ELAVL2: variants seen among roughly 807,000 people sequenced by gnomAD.
ELAVL2 encodes ELAV like RNA binding protein 2, also known as ELAV-like protein 2.
A neutral mutation model predicts 34.6 loss-of-function variants in ELAVL2; 4 were observed. The ratio of observed to expected loss-of-function variants is 0.12; its 90% CI spans 0.06 to 0.26. The LOEUF is 0.26. Among genes scored for constraint, ELAVL2 ranks in the 10% least tolerant of loss-of-function variants. The pLI, the probability that ELAVL2 is intolerant of heterozygous loss-of-function variation, is 1.00. For missense variants in ELAVL2, 432 were observed against 442.8 expected (o/e 0.98, Z 0.22); for synonymous variants, 193 against 154.8 (o/e 1.25, Z -1.83).
chr9:23,766,122 C>T (rs553696950), intron 1 of ELAVL2, among the ~76,000 whole-genome samples: 2 of 152,246 alleles, frequency 1.3e-5, no homozygotes, highest in East Asian at 3.9e-4. Context: ...TCCTGAGAGG[C>T]AATCCTGGCT....
chr9:23,773,469 T>C (rs1451408774), intron 1 of ELAVL2, among the ~76,000 whole-genome samples: 1 of 152,152 alleles, frequency 6.6e-6, no homozygotes, highest in Non-Finnish European at 1.5e-5. Flanking sequence ...AAAGCACATT[T>C]GAAACGAACG....
intron 1 of ELAVL2, among the ~76,000 whole-genome samples, chr9:23,783,969 T>C (rs4977888): frequency 0.37 from 56,512 of 151,164 alleles, 11,396 homozygotes; most frequent in East Asian, 0.57. Context: ...CTGAGGCGCG[T>C]GGATCACGAG....
chr9:23,760,616 A>T (rs2054750620), intron 2 of ELAVL2, among the ~76,000 whole-genome samples: 1 of 152,092 alleles, frequency 6.6e-6, no homozygotes, highest in Non-Finnish European at 1.5e-5. Flanking sequence ...ACATATGCTT[A>T]TCACACTCAT....
intron 5 of ELAVL2, among the ~76,000 whole-genome samples, chr9:23,699,380 TTAATAACTATCAAACAAAATCA>T (rs1469304788): frequency 6.6e-6 from 1 of 152,186 alleles, no homozygotes; most frequent in Admixed American, 6.5e-5. Context: ...TTTGTTTTAC[TTAATAACTATCAAACAAAATCA>T]TTGCTTCAAT....
At chr9:23,736,667 C>T (rs1040903358) in intron 2 of ELAVL2, among the ~76,000 whole-genome samples, 3 of 152,138 alleles carry the variant, frequency 2.0e-5, no homozygotes, top group Non-Finnish European at 2.9e-5. Flanking sequence ...CTAAATCGGC[C>T]CCTTGTCTGC....
intron 2 of ELAVL2, 144 bp from the exon 3 acceptor site, chr9:23,731,269 T>G (rs2046460824): frequency 1.6e-6 from 1 of 618,898 alleles, no homozygotes. Context: ...TCTAGAAATA[T>G]ACATGAAGTC....
intron 1 of ELAVL2, among the ~76,000 whole-genome samples, chr9:23,771,575 G>T (rs537411982): frequency 6.6e-6 from 1 of 152,004 alleles, no homozygotes; most frequent in African/African-American, 2.4e-5. Context: ...GCTTCTTAAA[G>T]AATCAACTGA....
In ELAVL2 at chr9:23,754,514, G is replaced by A. The variant is rs142598377; in HGVS notation, c.229+7492C>T. Among the ~76,000 whole-genome samples, 110 of 151,924 alleles carry A rather than the reference G, an allele frequency of 7.2e-4. 1 individual carries two copies. In the East Asian group the frequency reaches 9.0e-3, roughly 12 times the overall value. ...GTCACACAGGCTGAAATGCAAGTGCGGTGGCACGATCTCAGTTCACTGCAA... is the reference window on the plus strand; with the variant it reads ...GTCACACAGGCTGAAATGCAAGTGCAGTGGCACGATCTCAGTTCACTGCAA... On this transcript the variant is annotated intron_variant, in intron 2 of 6. Transcript: ENST00000397312.
chr9:23,812,211 G>A (rs926068349), intron 1 of ELAVL2, among the ~76,000 whole-genome samples: 7 of 152,024 alleles, frequency 4.6e-5, no homozygotes, highest in Admixed American at 1.3e-4. Context: ...AAGTCTCAAC[G>A]TTCTCAGTAT....
chr9:23,740,151 A>C (rs935474424), intron 2 of ELAVL2, among the ~76,000 whole-genome samples: 20 of 152,144 alleles, frequency 1.3e-4, no homozygotes, highest in African/African-American at 4.3e-4. Flanking sequence ...AAAGTCAGTA[A>C]GTTTGTCGGG....
chr9:23,730,666 G>A (rs1017776571), intron 3 of ELAVL2, among the ~76,000 whole-genome samples: 17 of 152,038 alleles, frequency 1.1e-4, no homozygotes, highest in Non-Finnish European at 2.4e-4. Flanking sequence ...TGCATGGCTC[G>A]CAAAACCTTG....
At chr9:23,776,074 C>G (rs940250726) in intron 1 of ELAVL2, among the ~76,000 whole-genome samples, 5 of 152,140 alleles carry the variant, frequency 3.3e-5, no homozygotes, top group Admixed American at 6.5e-5. Context: ...GTTTTATGTT[C>G]CCTGCCAAGT....
intron 1 of ELAVL2, among the ~76,000 whole-genome samples, chr9:23,823,222 C>T (rs2065052428): frequency 6.6e-6 from 1 of 152,164 alleles, no homozygotes; most frequent in Admixed American, 6.5e-5. Flanking sequence ...CCTCTTTGAC[C>T]TCTCAGTAAA....
chr9:23,700,343 C>G (rs2036750758), intron 5 of ELAVL2, among the ~76,000 whole-genome samples: 1 of 152,320 alleles, frequency 6.6e-6, no homozygotes, highest in South Asian at 2.1e-4. Flanking sequence ...ACCAAAAACT[C>G]TCTGCTCTGC....
intron 1 of ELAVL2, among the ~76,000 whole-genome samples, chr9:23,786,288 A>G (rs370416567): frequency 1.3e-5 from 2 of 152,208 alleles, no homozygotes; most frequent in East Asian, 3.8e-4. Context: ...AAAATGATGT[A>G]AGCAACAAAG....
rs182047445 is a variant in ELAVL2, at chr9:23,800,855, T to C, written c.-16+24951A>G. On this transcript the variant is annotated intron_variant, in intron 1 of 6. Coordinates refer to ENST00000397312, the MANE Select transcript of ELAVL2 (RefSeq NM_004432.5). The stretch of plus-strand genomic sequence containing the variant: ...GCCTTCAAGGGCAATGAGCCGCTTT[T>C]TAAATCTCCTCAGAGGATCCTATTC... Among the ~76,000 whole-genome samples the C allele has an allele frequency of 8.7e-4, 133 of 152,306 alleles. No individual in the cohort carries two copies. In the Middle Eastern group the frequency reaches 0.01, roughly 12 times the overall value.
intron 2 of ELAVL2, among the ~76,000 whole-genome samples, chr9:23,733,101 T>C (rs1340773868): frequency 6.8e-6 from 1 of 146,684 alleles, no homozygotes; most frequent in Non-Finnish European, 1.5e-5. Context: ...ATACTCCTCC[T>C]CCTGCATCTT....
chr9:23,784,520 G>C (rs2059452882), intron 1 of ELAVL2, among the ~76,000 whole-genome samples: 1 of 152,216 alleles, frequency 6.6e-6, no homozygotes, highest in South Asian at 2.1e-4. Context: ...AGTGGGACTG[G>C]TGAATAAGAC....
At chr9:23,726,589 G>A (rs564945175) in intron 3 of ELAVL2, among the ~76,000 whole-genome samples, 12 of 152,032 alleles carry the variant, frequency 7.9e-5, no homozygotes, top group African/African-American at 2.9e-4. Context: ...GCCCATTGTA[G>A]AGGAGGGAAA....
Sources: gnomAD v4.1 joint callset for allele counts (sites outside exome capture counted in the v4.1 genomes callset) on GRCh38, gnomAD v4.1.1 for gene constraint, MANE v1.5 for transcripts, NCBI Gene and HGNC (gene_info 2026-07-23, HGNC 2026-07-21) for gene names.